The following EDIL3 variants were observed in gnomAD, a reference collection of about 807,000 sequenced individuals.
EDIL3 encodes EGF-like repeat and discoidin I-like domain-containing protein 3.
EDIL3 carries 37 observed loss-of-function variants against 67.4 expected under a neutral mutation model. The ratio of observed to expected loss-of-function variants is 0.55; its 90% CI spans 0.42 to 0.72. The LOEUF (loss-of-function observed/expected upper bound fraction) is 0.72, where lower values mean the gene tolerates loss of function less well. Ranked by LOEUF, EDIL3 falls within the 30% of genes least tolerant of loss-of-function variation. The pLI, the probability that EDIL3 is intolerant of heterozygous loss-of-function variation, is 0.00. For missense variants in EDIL3, 527 were observed against 586.3 expected, an observed-to-expected ratio of 0.90 and a Z score of 1.04; for synonymous variants, 195 against 196.3, an observed-to-expected ratio of 0.99 and a Z score of 0.05.
In EDIL3 at chr5:84,202,003, C is replaced by T. The variant is rs369389925; in HGVS notation, c.227-21482G>A. Among the ~76,000 whole-genome samples, 75 of 152,182 alleles carry T rather than the reference C, an allele frequency of 4.9e-4. No homozygotes were observed. In the South Asian group the frequency reaches 0.015, roughly 30 times the overall value. On this transcript the variant is annotated intron_variant, in intron 3 of 10. Transcript: ENST00000296591. ...TTTTAGAAAAGGGAAGGTCAACATA[C>T]GCAAGAAAAACAGTGTGCTAGTCTA...
At chr5:84,126,618 A>G (rs570781325) in intron 5 of EDIL3, among the ~76,000 whole-genome samples, 1 of 152,208 alleles carries the variant, frequency 6.6e-6, no homozygotes, top group African/African-American at 2.4e-5. Flanking sequence ...TCTATTAGTG[A>G]CAAAATCATA....
intron 1 of EDIL3, among the ~76,000 whole-genome samples, chr5:84,327,151 A>C (rs999083014): frequency 6.6e-6 from 1 of 151,914 alleles, no homozygotes; most frequent in Non-Finnish European, 1.5e-5. Context: ...CTGCTAGCAA[A>C]TTTCTAGTAT....
At chr5:84,184,109 A>AAAC (rs1423117126) in intron 3 of EDIL3, among the ~76,000 whole-genome samples, 1 of 152,292 alleles carries the variant, frequency 6.6e-6, no homozygotes, top group East Asian at 1.9e-4. Context: ...TCCATCTCAG[A>AAAC]AACAACAACA....
chr5:84,227,436 G>A (rs1744472964), intron 3 of EDIL3, among the ~76,000 whole-genome samples: 1 of 152,048 alleles, frequency 6.6e-6, no homozygotes. Flanking sequence ...AACAGATGCT[G>A]GCAAGGCTGT....
chr5:84,326,792 T>C (rs1746767041), intron 1 of EDIL3, among the ~76,000 whole-genome samples: 1 of 151,724 alleles, frequency 6.6e-6, no homozygotes, highest in Non-Finnish European at 1.5e-5. Flanking sequence ...TTTAATATTG[T>C]TTTTTTTCTT....
rs1746215478 is a variant in EDIL3, at chr5:84,303,930, A to T, written c.68-49718T>A. Reference sequence around the variant, plus strand: ...TGGGTTAAAGTGGATCATGCTATATATACCGTTTTACAGCTAACTTTTCCA... The same window carrying T: ...TGGGTTAAAGTGGATCATGCTATATTTACCGTTTTACAGCTAACTTTTCCA... On this transcript the variant is annotated intron_variant, in intron 1 of 10. Transcript: ENST00000296591. Among the ~76,000 whole-genome samples the T allele has an allele frequency of 2.6e-5, 4 of 151,572 alleles. No homozygotes were observed. The South Asian group carries it at 8.3e-4, about 32-fold the overall frequency.
At chr5:84,231,466 T>G (rs1454272849) in intron 2 of EDIL3, among the ~76,000 whole-genome samples, 3 of 152,212 alleles carry the variant, frequency 2.0e-5, no homozygotes, top group Non-Finnish European at 4.4e-5. Flanking sequence ...AAATAAAAAT[T>G]TACTCAGCTG....
At chr5:84,197,441 T>C (rs1200619589) in intron 3 of EDIL3, among the ~76,000 whole-genome samples, 3 of 151,926 alleles carry the variant, frequency 2.0e-5, no homozygotes, top group South Asian at 4.2e-4. Flanking sequence ...CAAAGTTAAG[T>C]AAAGCAGTCA....
At chr5:84,301,422 G>T (rs544968291) in intron 1 of EDIL3, among the ~76,000 whole-genome samples, 1 of 152,192 alleles carries the variant, frequency 6.6e-6, no homozygotes, top group African/African-American at 2.4e-5. Context: ...TTTTAGACTT[G>T]TCAATCTCAA....
intron 2 of EDIL3, among the ~76,000 whole-genome samples, chr5:84,250,056 T>A (rs1230700034): frequency 6.6e-6 from 1 of 152,220 alleles, no homozygotes; most frequent in Non-Finnish European, 1.5e-5. Context: ...TGGGAAGCAA[T>A]TTGCGGCTTA....
chr5:84,185,195 C>T (rs1749087949), intron 3 of EDIL3, among the ~76,000 whole-genome samples: 1 of 152,138 alleles, frequency 6.6e-6, no homozygotes, highest in African/African-American at 2.4e-5. Context: ...CATTAAGCCA[C>T]ATTTCCTACC....
chr5:84,143,905 G>A (rs923609897), intron 4 of EDIL3, among the ~76,000 whole-genome samples: 2 of 152,026 alleles, frequency 1.3e-5, no homozygotes, highest in African/African-American at 4.8e-5. Flanking sequence ...AGAAAGAACC[G>A]GGAATATTAG....
chr5:84,250,527 G>A (rs1298385198), intron 2 of EDIL3, among the ~76,000 whole-genome samples: 1 of 152,214 alleles, frequency 6.6e-6, no homozygotes, highest in Non-Finnish European at 1.5e-5. Context: ...TATATGCTTT[G>A]TGAGGGAAGA....
chr5:84,288,286 C>T (rs1745848775), intron 1 of EDIL3, among the ~76,000 whole-genome samples: 1 of 152,148 alleles, frequency 6.6e-6, no homozygotes, highest in African/African-American at 2.4e-5. Flanking sequence ...CTCACCCCTA[C>T]ACTTCTAACA....
At chr5:83,978,814 A>G (rs1226730968) in intron 9 of EDIL3, among the ~76,000 whole-genome samples, 2 of 152,088 alleles carry the variant, frequency 1.3e-5, no homozygotes, top group Non-Finnish European at 2.9e-5. Flanking sequence ...CAGTATCCCA[A>G]ATTAAATCCC....
At chr5:84,061,380 C>T (rs550012951) in intron 8 of EDIL3, among the ~76,000 whole-genome samples, 1 of 152,108 alleles carries the variant, frequency 6.6e-6, no homozygotes, top group Non-Finnish European at 1.5e-5. Context: ...TGGATTGCAA[C>T]TGTGACAAAA....
chr5:84,064,662 T>C (rs1437974694), intron 8 of EDIL3, 38 bp downstream of exon 8: 1 of 1,582,896 alleles, frequency 6.3e-7, no homozygotes, highest in Non-Finnish European at 8.6e-7. Context: ...TTTTGTTTTC[T>C]TTAAATAGAA....
chr5:84,144,710 A>G (rs1161420162), intron 4 of EDIL3, among the ~76,000 whole-genome samples: 1 of 151,966 alleles, frequency 6.6e-6, no homozygotes, highest in Non-Finnish European at 1.5e-5. Flanking sequence ...TCTTTTCTCC[A>G]AGTGTGTAAG....
intron 9 of EDIL3, among the ~76,000 whole-genome samples, chr5:84,048,426 C>T (rs1340664301): frequency 6.6e-6 from 1 of 151,974 alleles, no homozygotes; most frequent in Non-Finnish European, 1.5e-5. Flanking sequence ...ATTTCTTATA[C>T]ATTTTCACAA....
Sources: gnomAD v4.1 joint callset for allele counts (sites outside exome capture counted in the v4.1 genomes callset) on GRCh38, gnomAD v4.1.1 for gene constraint, MANE v1.5 for transcripts, NCBI Gene and HGNC (gene_info 2026-07-23, HGNC 2026-07-21) for gene names.